TXNL4A: variants seen among roughly 807,000 people sequenced by gnomAD.
TXNL4A encodes the protein thioredoxin-like protein 4A.
In TXNL4A, 17 loss-of-function variants were observed where a neutral mutation model predicts 14.6. That is an observed-to-expected ratio of 1.16 (90% confidence interval 0.80 to 1.74). The LOEUF (loss-of-function observed/expected upper bound fraction) is 1.74. Ranked by LOEUF, TXNL4A falls within the 40% of genes most tolerant of loss-of-function variation. TXNL4A has a pLI of 0.00. For missense variants in TXNL4A, 74 were observed against 195.2 expected (o/e 0.38, Z 3.70); for synonymous variants, 83 against 70.6 (o/e 1.18, Z -0.88).
chr18:80,023,819 G>A (rs1254526533), intron 1 of TXNL4A, among the ~76,000 whole-genome samples: 2 of 152,188 alleles, frequency 1.3e-5, no homozygotes, highest in African/African-American at 4.8e-5. Flanking sequence ...TACCCAGCAA[G>A]ATCTCAGTAT....
rs915713818 is a variant in TXNL4A, at chr18:79,988,090, C to G, written c.153+150G>C. 1.3e-5 allele frequency: 13 copies of G among 1,002,946 alleles called. No homozygotes were observed. The Admixed American group carries it at 2.9e-4, about 22-fold the overall frequency. The allele number at this position is 1,002,946 out of a possible 1,614,324, so 62.1% of individuals were successfully genotyped here. A position where few individuals can be genotyped will look rare whatever the true frequency, so the allele number is the denominator to read the frequency against. On this transcript the variant is annotated intron_variant, in intron 1 of 2. Coordinates refer to ENST00000269601, the MANE Select transcript of TXNL4A (RefSeq NM_006701.5). ...CGCCGGCACAGTCCCCGAGAGCGCT[C>G]GACCGCAGCGAGGGGAGGAATCGCC...
chr18:79,973,776 A>G lies in TXNL4A; in HGVS notation c.338T>C (p.Val113Ala). ...GCGGTACACCGTCTCGATGATGTCC[A>G]CCATCTCCTGCTTGTCCTCCATGGC... ...NWAMEDKQEM[V>A]DIIETVYRGA... The change falls in exon 3 of 3, where the codon GTG (valine) becomes GCG (alanine). Residue 113 changes from valine (V) to alanine (A), a missense_variant. Physicochemically the swap from Val to Ala is moderately conservative, Grantham distance 64. This residue lies in a region of TXNL4A where 19 missense variants were observed against 60.6 expected (regional missense o/e 0.31). Coordinates refer to ENST00000269601, the MANE Select transcript of TXNL4A (RefSeq NM_006701.5). 6.2e-7 allele frequency: 1 copy of G among 1,614,174 alleles called. No individual in the cohort carries two copies. Among genetic ancestry groups the G allele is most frequent in the Non-Finnish European group, 8.5e-7 (1 of 1,180,034 alleles).
intron 2 of TXNL4A, chr18:79,976,718 C>T (rs954168302): frequency 1.6e-5 from 7 of 450,440 alleles, no homozygotes; most frequent in East Asian, 7.0e-5. Context: ...CCTTCCTTAC[C>T]GAGTAGGAGG....
intron 1 of TXNL4A, among the ~76,000 whole-genome samples, chr18:80,018,034 T>C (rs1479768525): frequency 6.6e-6 from 1 of 152,050 alleles, no homozygotes; most frequent in African/African-American, 2.4e-5. Context: ...ATTGCCACAA[T>C]TTCAGATCCT....
upstream of TXNL4A, among the ~76,000 whole-genome samples, chr18:79,993,282 G>C (rs1384550138): frequency 2.0e-5 from 3 of 151,600 alleles, no homozygotes; most frequent in African/African-American, 7.3e-5. The surrounding 1 kb of genome is among the most constrained non-coding windows in gnomAD (Gnocchi z 4.4). Context: ...TGATCTTCCA[G>C]TGTTTTTCAG....
chr18:79,988,038 G>C (rs1248511852), intron 1 of TXNL4A, among the ~76,000 whole-genome samples: 2 of 152,248 alleles, frequency 1.3e-5, no homozygotes, highest in African/African-American at 4.8e-5. Context: ...AAAACTACAA[G>C]AGCTCCCCGC....
At chr18:79,989,046 C>T (rs2051603778), upstream of TXNL4A, among the ~76,000 whole-genome samples, 1 of 152,234 alleles carries the variant, frequency 6.6e-6, no homozygotes, top group African/African-American at 2.4e-5. Flanking sequence ...GGAGGAAGCA[C>T]TGGGCAGGCC....
At chr18:80,015,343 G>T (rs1482690579) in intron 1 of TXNL4A, among the ~76,000 whole-genome samples, 1 of 140,932 alleles carries the variant, frequency 7.1e-6, no homozygotes, top group Non-Finnish European at 1.5e-5. Flanking sequence ...AAAACAAAAT[G>T]CTTTTTTAAA....
chr18:79,980,968 G>A (rs575080817), intron 1 of TXNL4A, among the ~76,000 whole-genome samples: 1 of 152,338 alleles, frequency 6.6e-6, no homozygotes, highest in Admixed American at 6.5e-5. Context: ...CGTCCACAGT[G>A]AGAATGTGTT....
At chr18:80,025,890 A>C (rs1462157961) in intron 1 of TXNL4A, among the ~76,000 whole-genome samples, 1 of 152,250 alleles carries the variant, frequency 6.6e-6, no homozygotes, top group Non-Finnish European at 1.5e-5. Flanking sequence ...ACAGGTGTAA[A>C]GATGCACAGG....
chr18:79,982,757 A>C lies in TXNL4A; in HGVS notation c.154-5056T>G, dbSNP rs2051483547. On this transcript the variant is annotated intron_variant, in intron 1 of 2. Coordinates refer to ENST00000269601, the MANE Select transcript of TXNL4A (RefSeq NM_006701.5). This position sits in a 1 kb window ranked among gnomAD's most constrained non-coding sequence, Gnocchi z 4.0. Reference sequence around the variant, plus strand: ...GTTACTGTGGGACTTGGGAGTTCAGATAGGAGAGGCTGAAAGAGGCAGGCA... The same window carrying C: ...GTTACTGTGGGACTTGGGAGTTCAGCTAGGAGAGGCTGAAAGAGGCAGGCA... Among the ~76,000 whole-genome samples the C allele has an allele frequency of 6.6e-6, 1 of 152,086 alleles. No homozygotes were observed. Among genetic ancestry groups the C allele is most frequent in the Non-Finnish European group, 1.5e-5 (1 of 68,014 alleles).
chr18:80,017,599 T>G (rs1338826066), intron 1 of TXNL4A, among the ~76,000 whole-genome samples: 2 of 152,170 alleles, frequency 1.3e-5, no homozygotes, highest in Non-Finnish European at 2.9e-5. Flanking sequence ...TCAAAGGCCT[T>G]TTCTGCATGT....
chr18:79,976,654 C>T, intron 2 of TXNL4A: 1 of 393,802 alleles, frequency 2.5e-6, no homozygotes, highest in Middle Eastern at 3.6e-4. Flanking sequence ...TCAATGCGTG[C>T]TAATTTGTTA....
chr18:80,007,625 T>A (rs2051740600), intron 1 of TXNL4A, among the ~76,000 whole-genome samples: 1 of 151,952 alleles, frequency 6.6e-6, no homozygotes, highest in South Asian at 2.1e-4. Context: ...GTACTGAGTA[T>A]AAAACAATAT....
In TXNL4A at chr18:80,025,072, C is replaced by A. The variant is rs150401310; in HGVS notation, c.-61+8779G>T. ...TGGACCACTATAACTAAAGCAGATT[C>A]TAAGTTACAATGACCTAAATGGGGA... On this transcript the variant is annotated intron_variant, in intron 1 of 2. Transcript: ENST00000585474. Among the ~76,000 whole-genome samples, 239 of 152,282 alleles carry A rather than the reference C, an allele frequency of 1.6e-3. 1 individual carries two copies. The highest frequency in any genetic ancestry group is 5.5e-3 in the African/African-American group (230 of 41,560).
At chr18:80,006,734 G>A (rs941423706) in intron 1 of TXNL4A, among the ~76,000 whole-genome samples, 1 of 152,136 alleles carries the variant, frequency 6.6e-6, no homozygotes, top group Admixed American at 6.5e-5. Context: ...CTTGTGCAGA[G>A]TGAGGGGGGT....
intron 1 of TXNL4A, among the ~76,000 whole-genome samples, chr18:79,987,226 T>C (rs985613975): frequency 2.0e-5 from 3 of 152,200 alleles, no homozygotes; most frequent in Non-Finnish European, 4.4e-5. Flanking sequence ...ATAACTAAAA[T>C]ATAACAACAG....
chr18:79,997,375 C>T (rs1055077981), intron 1 of TXNL4A, among the ~76,000 whole-genome samples: 3 of 148,378 alleles, frequency 2.0e-5, no homozygotes, highest in Non-Finnish European at 4.5e-5. Flanking sequence ...CCCATATTCC[C>T]TGTAAAACAA....
rs1468042470 is a variant in TXNL4A, at chr18:80,011,350, A to G, written c.-61+22501T>C. Among the ~76,000 whole-genome samples the G allele has an allele frequency of 6.6e-6, 1 of 152,128 alleles. No homozygotes were observed. The highest frequency in any genetic ancestry group is 1.9e-4 in the East Asian group (1 of 5,192). On this transcript the variant is annotated intron_variant, in intron 1 of 2. Coordinates refer to the TXNL4A transcript ENST00000585474. This position sits in a 1 kb window ranked among gnomAD's most constrained non-coding sequence, Gnocchi z 4.1. The stretch of plus-strand genomic sequence containing the variant: ...GTAAATTTTTCTCTACCTGACTGGA[A>G]GTGTTGATCCAGAAACAGCATGTTT...
Sources: allele counts gnomAD v4.1 joint callset (sites outside exome capture counted in the v4.1 genomes callset), GRCh38; gene constraint gnomAD v4.1.1; regional missense constraint gnomAD v4.1.1; non-coding constraint Gnocchi (gnomAD v3.1); transcripts MANE v1.5; gene names NCBI Gene and HGNC (gene_info 2026-07-23, HGNC 2026-07-21).